Variants in RFX4 observed in about 807,000 individuals in gnomAD.
RFX4 encodes the protein regulatory factor X4.
RFX4 carries 10 observed loss-of-function variants against 95.0 expected under a neutral mutation model. That is an observed-to-expected ratio of 0.11 (90% CI 0.06 to 0.18). RFX4 has a LOEUF of 0.18. Ranked by LOEUF, RFX4 falls within the 10% of genes least tolerant of loss-of-function variation. RFX4 has a pLI of 1.00. For missense variants in RFX4, 640 were observed against 922.0 expected (o/e 0.69, Z 3.96); for synonymous variants, 321 against 340.7 (o/e 0.94, Z 0.64).
At chr12:106,711,566 G>C (rs1555233371) in intron 10 of RFX4, 55 bp downstream of exon 10, 1 of 1,501,726 alleles carries the variant, frequency 6.7e-7, no homozygotes. Flanking sequence ...CAAATGAGGG[G>C]GCAAATCCAC....
At chr12:106,657,709 A>C (rs2137328617) in intron 4 of RFX4, among the ~76,000 whole-genome samples, 1 of 152,236 alleles carries the variant, frequency 6.6e-6, no homozygotes, top group Admixed American at 6.5e-5. Flanking sequence ...GGATAAAATG[A>C]GACAGTGCTT....
intron 1 of RFX4, among the ~76,000 whole-genome samples, chr12:106,596,539 CTCATAAACCAGTGAATTGGAAGGATCAT>C (rs2039622673): frequency 6.6e-6 from 1 of 152,134 alleles, no homozygotes; most frequent in Admixed American, 6.5e-5. Flanking sequence ...GAGGCAATAT[CTCATAAACCAGTGAATTGGAAGGATCAT>C]TCATTCCCAT....
intron 2 of RFX4, among the ~76,000 whole-genome samples, chr12:106,638,855 T>C (rs1479993769): frequency 6.6e-6 from 1 of 152,204 alleles, no homozygotes; most frequent in Non-Finnish European, 1.5e-5. Context: ...ATTTCATTCA[T>C]AAGACTCATG....
At chr12:106,644,365 C>T (rs2040699332) in intron 3 of RFX4, among the ~76,000 whole-genome samples, 1 of 151,300 alleles carries the variant, frequency 6.6e-6, no homozygotes, top group Non-Finnish European at 1.5e-5. Context: ...TTCTAAGAAG[C>T]TGGGATTACA....
intron 11 of RFX4, 50 bp downstream of exon 11, chr12:106,715,594 A>C: frequency 6.2e-7 from 1 of 1,600,814 alleles, no homozygotes; most frequent in Non-Finnish European, 8.5e-7. Context: ...TTTAAAAGAA[A>C]GAAAAAGTGT....
intron 1 of RFX4, among the ~76,000 whole-genome samples, chr12:106,600,719 C>T (rs1458820867): frequency 1.3e-5 from 2 of 152,122 alleles, no homozygotes; most frequent in Admixed American, 6.6e-5. Flanking sequence ...CAACTTTCTA[C>T]CTCATTTCCT....
chr12:106,617,724 G>C (rs1592855537), intron 2 of RFX4, among the ~76,000 whole-genome samples: 1 of 152,076 alleles, frequency 6.6e-6, no homozygotes, highest in Admixed American at 6.6e-5. Context: ...TGTACATTTT[G>C]GGTTTGTTGT....
chr12:106,647,439 G>T (rs540402472), intron 3 of RFX4, among the ~76,000 whole-genome samples: 1 of 152,032 alleles, frequency 6.6e-6, no homozygotes, highest in South Asian at 2.1e-4. Context: ...CCTAGCGCAG[G>T]GTAGGCACTT....
intron 3 of RFX4, among the ~76,000 whole-genome samples, chr12:106,640,996 G>A (rs1446639055): frequency 6.6e-6 from 1 of 152,054 alleles, no homozygotes; most frequent in African/African-American, 2.4e-5. Context: ...GGCTAGGCTG[G>A]TTTTGAACTC....
Position 106,583,011 on chromosome 12 carries a change from T to G in RFX4, c.-310T>G. 2 of 338,670 alleles carry G rather than the reference T, an allele frequency of 5.9e-6. No homozygotes were observed. The highest frequency in any genetic ancestry group is 1.1e-5 in the Non-Finnish European group (2 of 188,208). 21.0% of individuals were successfully genotyped at this position (338,670 alleles called of 1,614,324 possible). A position where few individuals can be genotyped will look rare whatever the true frequency, so the allele number is the denominator to read the frequency against. ...TTTTCCCATGAAACATCCGCAAACA[T>G]TTTGACGGGTTTGGCTTTGCCCGGC... On this transcript the variant is annotated 5_prime_UTR_variant, in exon 1 of 18. Coordinates refer to ENST00000392842, the MANE Select transcript of RFX4 (RefSeq NM_213594.3).
intron 1 of RFX4, among the ~76,000 whole-genome samples, chr12:106,596,007 C>T (rs901877492): frequency 2.6e-5 from 4 of 152,216 alleles, no homozygotes; most frequent in African/African-American, 9.6e-5. Context: ...GCTCAATAAA[C>T]AGAAGCTGCT....
At chr12:106,600,955 G>T (rs573167633) in intron 1 of RFX4, among the ~76,000 whole-genome samples, 1 of 152,250 alleles carries the variant, frequency 6.6e-6, no homozygotes, top group Non-Finnish European at 1.5e-5. Context: ...CTCTGTCTCC[G>T]CCACAGAATA....
chr12:106,618,084 C>T (rs1469198304), intron 2 of RFX4, among the ~76,000 whole-genome samples: 1 of 152,062 alleles, frequency 6.6e-6, no homozygotes, highest in African/African-American at 2.4e-5. Flanking sequence ...CCCATGTGCA[C>T]TTGAGGAGAA....
chr12:106,755,841 G>T (rs2043098703), intron 17 of RFX4, among the ~76,000 whole-genome samples: 1 of 152,186 alleles, frequency 6.6e-6, no homozygotes, highest in Non-Finnish European at 1.5e-5. Flanking sequence ...TATGGTTGGA[G>T]AAATGCAATT....
intron 3 of RFX4, among the ~76,000 whole-genome samples, chr12:106,650,941 C>T (rs578102729): frequency 2.2e-4 from 33 of 152,196 alleles, no homozygotes; most frequent in African/African-American, 6.7e-4. Context: ...CAGGTCTTCC[C>T]GACTCCTTTG....
intron 2 of RFX4, among the ~76,000 whole-genome samples, chr12:106,614,242 C>T (rs961176914): frequency 6.6e-6 from 1 of 151,614 alleles, no homozygotes; most frequent in Non-Finnish European, 1.5e-5. Flanking sequence ...CTCACTGCAA[C>T]CTCTGCCTCC....
At chr12:106,657,401 GTTCTTC>G in intron 4 of RFX4, among the ~76,000 whole-genome samples, 1 of 152,248 alleles carries the variant, frequency 6.6e-6, no homozygotes, top group South Asian at 2.1e-4. Flanking sequence ...TTGGGATACC[GTTCTTC>G]ATAAAGTGGG....
intron 10 of RFX4, 155 bp from the exon 11 acceptor site, chr12:106,715,245 G>C: frequency 1.3e-6 from 1 of 758,312 alleles, no homozygotes; most frequent in Non-Finnish European, 2.1e-6. Flanking sequence ...CTGAGTTACA[G>C]AGTCTTCTGG....
chr12:106,749,853 T>C (rs944434147), intron 16 of RFX4, among the ~76,000 whole-genome samples: 1 of 152,140 alleles, frequency 6.6e-6, no homozygotes, highest in African/African-American at 2.4e-5. Context: ...GAACACGCCA[T>C]GGTGCTCTCC....
Sources: allele counts gnomAD v4.1 joint callset (sites outside exome capture counted in the v4.1 genomes callset), GRCh38; gene constraint gnomAD v4.1.1; transcripts MANE v1.5; gene names NCBI Gene and HGNC (gene_info 2026-07-23, HGNC 2026-07-21).